GOSR1: variants seen among roughly 807,000 people sequenced by gnomAD.
The protein encoded by GOSR1 is golgi SNAP receptor complex member 1, also known as 28 kDa Golgi SNARE protein.
In GOSR1, 21 loss-of-function variants were observed where a neutral mutation model predicts 35.5. The observed-to-expected ratio is 0.59, with a 90% CI of 0.42 to 0.85. GOSR1 has a LOEUF of 0.85. Ranked by LOEUF, GOSR1 falls within the 40% of genes least tolerant of loss-of-function variation. The pLI, the probability that GOSR1 is intolerant of heterozygous loss-of-function variation, is 0.00. For synonymous variants in GOSR1, 94 were observed against 106.6 expected (o/e 0.88, Z 0.73); for missense variants, 285 against 309.6 (o/e 0.92, Z 0.60).
chr17:30,519,725 G>A (rs778543332), intron 7 of GOSR1: 4 of 444,152 alleles, frequency 9.0e-6, no homozygotes, highest in Non-Finnish European at 1.6e-5. Flanking sequence ...GTGGCTTACT[G>A]CCTTGTATAA....
intron 6 of GOSR1, among the ~76,000 whole-genome samples, chr17:30,505,614 A>G (rs1034080050): frequency 6.6e-6 from 1 of 152,196 alleles, no homozygotes; most frequent in African/African-American, 2.4e-5. Flanking sequence ...AGATGTTTTC[A>G]TTATTATCAT....
At chr17:30,498,652 G>A (rs575663047) in intron 6 of GOSR1, among the ~76,000 whole-genome samples, 18 of 152,164 alleles carry the variant, frequency 1.2e-4, no homozygotes, top group South Asian at 8.3e-4. Flanking sequence ...TCTTAAATCC[G>A]TATCATTCCT....
At chr17:30,516,837 C>T (rs9901971) in intron 7 of GOSR1, among the ~76,000 whole-genome samples, 80,407 of 151,312 alleles carry the variant, frequency 0.53, 21,668 homozygotes, top group East Asian at 0.83. Context: ...CCCTCAGCCT[C>T]CCAGTAGCTG....
chr17:30,495,275 T>C, intron 6 of GOSR1: 1 of 355,622 alleles, frequency 2.8e-6, no homozygotes, highest in Non-Finnish European at 5.6e-6. Flanking sequence ...AGACAGACTA[T>C]ATTACCTCAA....
chr17:30,489,252 C>G lies in GOSR1; in HGVS notation c.343-874C>G, dbSNP rs1459623505. The stretch of plus-strand genomic sequence containing the variant: ...TACAAAAATTAGCTGGATGTAGTGG[C>G]ACGCTCCTATAGTCCCAGTACTAGG... On this transcript the variant is annotated intron_variant, in intron 4 of 8. Coordinates refer to ENST00000451249, the MANE Select transcript of GOSR1 (RefSeq NM_001007025.2). Among the ~76,000 whole-genome samples, 5 of 152,058 alleles carry G rather than the reference C, an allele frequency of 3.3e-5. No homozygotes were observed. In the East Asian group the frequency reaches 9.6e-4, roughly 29 times the overall value.
chr17:30,493,918 A>G (rs1167599280), intron 6 of GOSR1, among the ~76,000 whole-genome samples: 1 of 152,110 alleles, frequency 6.6e-6, no homozygotes, highest in Non-Finnish European at 1.5e-5. Flanking sequence ...CTTTGTGTGT[A>G]TCCGTCATGA....
chr17:30,514,151 G>C (rs1967714582), intron 7 of GOSR1, among the ~76,000 whole-genome samples: 1 of 152,208 alleles, frequency 6.6e-6, no homozygotes, highest in Admixed American at 6.5e-5. Flanking sequence ...GAAGTTGTTT[G>C]TTAAGCTCTT....
At chr17:30,485,270 ATTTT>A in intron 4 of GOSR1, 6 of 162,820 alleles carry the variant, frequency 3.7e-5, no homozygotes, top group South Asian at 1.3e-4. Context: ...TAGGAAGGCA[ATTTT>A]TTTTTTTTTT....
intron 4 of GOSR1, among the ~76,000 whole-genome samples, chr17:30,489,558 G>A (rs1004242475): frequency 5.9e-5 from 9 of 152,064 alleles, no homozygotes; most frequent in African/African-American, 2.2e-4. Context: ...AGGTCAACAG[G>A]GACTCTGGGA....
At chr17:30,484,400 C>T in intron 3 of GOSR1, 99 bp downstream of exon 3, 2 of 797,400 alleles carry the variant, frequency 2.5e-6, no homozygotes, top group Non-Finnish European at 4.5e-6. Context: ...TTGAAATTAT[C>T]CATTCCATTC....
chr17:30,500,398 G>A (rs1445089462), intron 6 of GOSR1, among the ~76,000 whole-genome samples: 1 of 152,090 alleles, frequency 6.6e-6, no homozygotes, highest in African/African-American at 2.4e-5. Context: ...CTTCACTTTT[G>A]TGTGTGGTGT....
intron 6 of GOSR1, among the ~76,000 whole-genome samples, chr17:30,496,643 T>C (rs1967016078): frequency 6.6e-6 from 1 of 152,230 alleles, no homozygotes; most frequent in African/African-American, 2.4e-5. Context: ...TTATTTGTCC[T>C]TGACATGCTT....
intron 2 of GOSR1, chr17:30,482,952 G>T (rs1413304791): frequency 6.6e-6 from 1 of 151,992 alleles, no homozygotes; most frequent in African/African-American, 2.4e-5. Flanking sequence ...AACTGAAACT[G>T]GCTTTGTAGA....
At chr17:30,486,857 T>C (rs758579727) in intron 4 of GOSR1, among the ~76,000 whole-genome samples, 15 of 152,180 alleles carry the variant, frequency 9.9e-5, no homozygotes, top group Non-Finnish European at 2.9e-5. Flanking sequence ...AATCATTCTG[T>C]TTTTGGATAG....
chr17:30,481,239 G>T lies in GOSR1; in HGVS notation c.128G>T (p.Arg43Leu). The change falls in exon 2 of 9, where the codon CGA (arginine) becomes CTA (leucine). Residue 43 changes from arginine (R) to leucine (L), a missense_variant. Arg to Leu is a moderately radical substitution (Grantham distance 102, BLOSUM62 -2). Coordinates refer to ENST00000451249, the MANE Select transcript of GOSR1 (RefSeq NM_001007025.2). ...LCTSYSHSST[R>L]DGRRDSSDTT... Reference sequence around the variant, plus strand: ...ACAAGTTACAGTCATAGCAGTACCCGAGATGGAAGACGCGACAGGTATAGG... The same window carrying T: ...ACAAGTTACAGTCATAGCAGTACCCTAGATGGAAGACGCGACAGGTATAGG... 2 of 1,607,662 alleles carry T rather than the reference G, an allele frequency of 1.2e-6. No individual in the cohort carries two copies. Among genetic ancestry groups the T allele is most frequent in the South Asian group, 2.2e-5 (2 of 90,952 alleles).
At chr17:30,497,651 C>T (rs1485161134) in intron 6 of GOSR1, among the ~76,000 whole-genome samples, 4 of 152,204 alleles carry the variant, frequency 2.6e-5, no homozygotes, top group Non-Finnish European at 5.9e-5. Context: ...TATACTCATA[C>T]ATTAGAATTG....
At chr17:30,508,425 T>C (rs938461994) in intron 6 of GOSR1, among the ~76,000 whole-genome samples, 1 of 152,198 alleles carries the variant, frequency 6.6e-6, no homozygotes, top group Non-Finnish European at 1.5e-5. Context: ...CAAACCATTA[T>C]ATTGAAGAAG....
intron 6 of GOSR1, among the ~76,000 whole-genome samples, chr17:30,499,115 C>G (rs557274507): frequency 6.6e-6 from 1 of 152,290 alleles, no homozygotes; most frequent in South Asian, 2.1e-4. Flanking sequence ...ACAGTCTGCA[C>G]TTATTTCACC....
chr17:30,506,027 G>A (rs1469594176), intron 6 of GOSR1, among the ~76,000 whole-genome samples: 1 of 152,146 alleles, frequency 6.6e-6, no homozygotes. Context: ...ACCGTGCCCG[G>A]CCAGTTGTGT....
Sources: gnomAD v4.1 joint callset for allele counts (sites outside exome capture counted in the v4.1 genomes callset) on GRCh38, gnomAD v4.1.1 for gene constraint, MANE v1.5 for transcripts, NCBI Gene and HGNC (gene_info 2026-07-23, HGNC 2026-07-21) for gene names.